ABLIM1: variants seen among roughly 807,000 people sequenced by gnomAD.
ABLIM1 encodes actin binding LIM protein 1.
A neutral mutation model predicts 107.0 loss-of-function variants in ABLIM1; 40 were observed. The ratio of observed to expected loss-of-function variants is 0.37; its 90% CI spans 0.29 to 0.49. The LOEUF is 0.49. Ranked by LOEUF, ABLIM1 falls within the 20% of genes least tolerant of loss-of-function variation. ABLIM1 has a pLI of 0.97. For missense variants in ABLIM1, 857 were observed against 1,008.5 expected, an observed-to-expected ratio of 0.85 and a Z score of 2.04; for synonymous variants, 357 against 357.3, an observed-to-expected ratio of 1.00 and a Z score of 0.01.
chr10:114,535,080 G>A (rs1017287850), intron 6 of ABLIM1, among the ~76,000 whole-genome samples: 1 of 152,090 alleles, frequency 6.6e-6, no homozygotes, highest in Non-Finnish European at 1.5e-5. Context: ...GCCATGAAGG[G>A]GACAAAATAT....
chr10:114,741,572 T>C (rs1313161211), intron 1 of ABLIM1, among the ~76,000 whole-genome samples: 1 of 152,030 alleles, frequency 6.6e-6, no homozygotes, highest in Admixed American at 6.5e-5. Flanking sequence ...GAGCACTAGA[T>C]CTAAAATCAA....
At chr10:114,568,048 G>A (rs2071031160) in intron 4 of ABLIM1, among the ~76,000 whole-genome samples, 1 of 151,442 alleles carries the variant, frequency 6.6e-6, no homozygotes, top group Admixed American at 6.6e-5. Context: ...AAATTAGCCG[G>A]GCGCGGTGGC....
intron 5 of ABLIM1, among the ~76,000 whole-genome samples, chr10:114,547,076 C>A (rs2067443611): frequency 6.6e-6 from 1 of 152,000 alleles, no homozygotes; most frequent in Non-Finnish European, 1.5e-5. Context: ...CAGGTGTGAG[C>A]CACCACGCCC....
intron 1 of ABLIM1, among the ~76,000 whole-genome samples, chr10:114,761,632 G>A (rs2082748542): frequency 6.6e-6 from 1 of 152,088 alleles, no homozygotes; most frequent in East Asian, 1.9e-4. Context: ...ACTGTGCTCT[G>A]GAACTGCAAG....
chr10:114,606,165 G>A (rs189626415), intron 1 of ABLIM1, among the ~76,000 whole-genome samples: 13 of 152,232 alleles, frequency 8.5e-5, no homozygotes, highest in African/African-American at 1.9e-4. Context: ...CTGGGAAAGC[G>A]TATTTGAAAT....
Position 114,521,690 on chromosome 10 carries a change from C to G in ABLIM1, c.894+23315G>C, listed in dbSNP as rs149615625. Among the ~76,000 whole-genome samples, 638 of 152,214 alleles carry G rather than the reference C, an allele frequency of 4.2e-3. 4 individuals are homozygous for G. Among genetic ancestry groups the G allele is most frequent in the African/African-American group, 0.015 (607 of 41,516 alleles). On this transcript the variant is annotated intron_variant, in intron 6 of 22. Transcript: ENST00000533213. ...CTCCTTCTTTCCTTCCTTCCCTCTC[C>G]TTTTCCCTCCCATTCATCCATCCTT...
intron 2 of ABLIM1, among the ~76,000 whole-genome samples, chr10:114,588,588 C>T (rs1210294776): frequency 7.2e-6 from 1 of 138,532 alleles, no homozygotes; most frequent in Admixed American, 8.0e-5. Flanking sequence ...TCTACCTCCA[C>T]AGTTCAAGCA....
chr10:114,518,260 C>T (rs2063204777), intron 6 of ABLIM1, among the ~76,000 whole-genome samples: 1 of 152,072 alleles, frequency 6.6e-6, no homozygotes, highest in African/African-American at 2.4e-5. Context: ...ATCTGCATGC[C>T]AGTGACACTA....
chr10:114,698,928 G>T (rs1486254534), intron 1 of ABLIM1, among the ~76,000 whole-genome samples: 1 of 151,760 alleles, frequency 6.6e-6, no homozygotes, highest in African/African-American at 2.4e-5. Context: ...AAATAAAATG[G>T]GATTAGGGGG....
intron 12 of ABLIM1, among the ~76,000 whole-genome samples, chr10:114,458,861 C>A (rs886595921): frequency 1.3e-5 from 2 of 152,088 alleles, no homozygotes; most frequent in African/African-American, 2.4e-5. Context: ...CGAAACAAAG[C>A]GAAAATGGTT....
intron 12 of ABLIM1, among the ~76,000 whole-genome samples, chr10:114,463,351 G>A (rs1208363471): frequency 6.6e-6 from 1 of 152,148 alleles, no homozygotes; most frequent in African/African-American, 2.4e-5. Context: ...GCAAAGTAGG[G>A]GAGAGTTTGC....
intron 1 of ABLIM1, among the ~76,000 whole-genome samples, chr10:114,744,710 A>G (rs1354404535): frequency 6.6e-6 from 1 of 152,196 alleles, no homozygotes; most frequent in Non-Finnish European, 1.5e-5. Flanking sequence ...TGTTTTTATC[A>G]TATTGGATGG....
intron 1 of ABLIM1, among the ~76,000 whole-genome samples, chr10:114,728,408 T>C (rs140875463): frequency 1.3e-5 from 2 of 151,396 alleles, no homozygotes; most frequent in African/African-American, 4.9e-5. Flanking sequence ...AGCATGTTCA[T>C]TGCATCATTA....
rs748507113 is a variant in ABLIM1, at chr10:114,571,357, G to A, written c.613C>T (p.Leu205Phe). Residue 205 changes from leucine to phenylalanine, a missense_variant, in exon 4 of 23, where the codon CTT becomes TTT. Leu to Phe is a conservative substitution (Grantham distance 22). This residue lies in a region of ABLIM1 where 381 missense variants were observed against 506.9 expected (regional missense o/e 0.75). Transcript: ENST00000533213. ...DRVTFNGRDC[L>F]CQLCAQPMSS... ...ATCGGCTGTGCACAGAGTTGACAAA[G>A]GCAGTCTCTCCCATTGAATGTGACT... 6 of 1,614,204 alleles carry A rather than the reference G, an allele frequency of 3.7e-6. No homozygotes were observed. The Admixed American group carries it at 6.7e-5, about 18-fold the overall frequency.
intron 1 of ABLIM1, among the ~76,000 whole-genome samples, chr10:114,725,957 G>A (rs182734489): frequency 1.8e-3 from 280 of 152,054 alleles, no homozygotes; most frequent in Non-Finnish European, 3.1e-3. Flanking sequence ...TATTTGGCCT[G>A]GGCTGGTCTT....
intron 1 of ABLIM1, among the ~76,000 whole-genome samples, chr10:114,650,809 T>C (rs1412145616): frequency 1.3e-5 from 2 of 152,248 alleles, no homozygotes; most frequent in Non-Finnish European, 2.9e-5. Context: ...TTGTATTTGT[T>C]ATCTAGACAA....
Position 114,551,246 on chromosome 10 carries a change from C to T in ABLIM1, c.674-3470G>A, listed in dbSNP as rs913770191. ...AGCCACTCAATAGACTCCCTTTTTCCTCGGTTAGGAGCAGTTAGGTCTTGG... is the reference window on the plus strand; with the variant it reads ...AGCCACTCAATAGACTCCCTTTTTCTTCGGTTAGGAGCAGTTAGGTCTTGG... On this transcript the variant is annotated intron_variant, in intron 4 of 22. Coordinates refer to ENST00000533213, the MANE Select transcript of ABLIM1 (RefSeq NM_002313.7). 5.5e-4 allele frequency among the ~76,000 whole-genome samples: 83 copies of T among 152,208 alleles called. 1 individual carries two copies. Among genetic ancestry groups the T allele is most frequent in the Admixed American group, 3.9e-3 (60 of 15,282 alleles).
At chr10:114,600,548 T>C (rs1285088228) in intron 2 of ABLIM1, among the ~76,000 whole-genome samples, 1 of 152,180 alleles carries the variant, frequency 6.6e-6, no homozygotes, top group Admixed American at 6.5e-5. Context: ...CTAGGAAGAC[T>C]GGAACCTACC....
chr10:114,726,734 T>C (rs551077279), intron 1 of ABLIM1, among the ~76,000 whole-genome samples: 69 of 152,052 alleles, frequency 4.5e-4, no homozygotes, highest in African/African-American at 1.6e-3. Flanking sequence ...GGAGTGGAGA[T>C]AGCACCACTG....
Sources: gnomAD v4.1 joint callset for allele counts (sites outside exome capture counted in the v4.1 genomes callset) on GRCh38, gnomAD v4.1.1 for gene constraint, gnomAD v4.1.1 regional missense constraint, MANE v1.5 for transcripts, NCBI Gene and HGNC (gene_info 2026-07-23, HGNC 2026-07-21) for gene names.